Variants in SH3GL3 observed in about 807,000 individuals in gnomAD.
The protein encoded by SH3GL3 is endophilin-A3.
In SH3GL3, 33 loss-of-function variants were observed where a neutral mutation model predicts 47.7. That is an observed-to-expected ratio of 0.69 (90% CI 0.52 to 0.92). The LOEUF (loss-of-function observed/expected upper bound fraction) is 0.92, where lower values mean the gene tolerates loss of function less well. Among genes scored for constraint, SH3GL3 ranks in the 40% least tolerant of loss-of-function variants. The pLI is 0.00. For missense variants in SH3GL3, 363 were observed against 417.8 expected (o/e 0.87, Z 1.14); for synonymous variants, 155 against 148.8 (o/e 1.04, Z -0.30).
intron 1 of SH3GL3, among the ~76,000 whole-genome samples, chr15:83,524,607 A>T (rs1221379845): frequency 6.6e-6 from 1 of 151,830 alleles, no homozygotes; most frequent in Non-Finnish European, 1.5e-5. Flanking sequence ...GAACATTAAA[A>T]CTTATTCTAT....
At chr15:83,559,413 T>G in intron 2 of SH3GL3, 92 bp downstream of exon 2, 1 of 775,264 alleles carries the variant, frequency 1.3e-6, no homozygotes, top group South Asian at 1.5e-5. Context: ...CGAGTGGAAA[T>G]CTAGGATGTT....
chr15:83,629,453 A>G, the SH3GL3 span, among the ~76,000 whole-genome samples: 3 of 152,330 alleles, frequency 2.0e-5, no homozygotes, highest in Admixed American at 6.5e-5. Context: ...TCAGTGGGGA[A>G]ATAAAAGTTG....
intron 1 of SH3GL3, among the ~76,000 whole-genome samples, chr15:83,530,065 C>T (rs907609111): frequency 3.3e-5 from 5 of 152,124 alleles, no homozygotes; most frequent in African/African-American, 1.2e-4. Flanking sequence ...TACTGCAGTC[C>T]TCCAGTGTAG....
intron 1 of SH3GL3, among the ~76,000 whole-genome samples, chr15:83,518,895 T>C (rs970799647): frequency 9.9e-5 from 15 of 152,218 alleles, no homozygotes; most frequent in African/African-American, 3.4e-4. Context: ...AAATCTTTAA[T>C]CCATCTTGAG....
chr15:83,565,356 A>G, intron 3 of SH3GL3, 150 bp downstream of exon 3: 1 of 639,366 alleles, frequency 1.6e-6, no homozygotes, highest in Non-Finnish European at 2.8e-6. Context: ...CAGTGACCAA[A>G]GGTAGTTGCA....
intron 1 of SH3GL3, among the ~76,000 whole-genome samples, chr15:83,486,071 A>T (rs1383167640): frequency 6.6e-6 from 1 of 152,174 alleles, no homozygotes; most frequent in East Asian, 1.9e-4. Flanking sequence ...TAACCATGCT[A>T]CCACTATCAC....
Position 83,585,788 on chromosome 15 carries a change from C to T in SH3GL3, c.625-1195C>T, listed in dbSNP as rs541258022. 9.2e-5 allele frequency among the ~76,000 whole-genome samples: 14 copies of T among 152,250 alleles called. 1 individual carries two copies. In the South Asian group the frequency reaches 1.4e-3, roughly 16 times the overall value. ...AGGATTTCATTGTTCGGATGCTGAT[C>T]ACAGCTTGGCACACATGGAATTCAA... On this transcript the variant is annotated intron_variant, in intron 6 of 8. Transcript: ENST00000427482.
At chr15:83,605,274 C>T (rs544072048) in intron 8 of SH3GL3, among the ~76,000 whole-genome samples, 1 of 152,318 alleles carries the variant, frequency 6.6e-6, no homozygotes, top group South Asian at 2.1e-4. Context: ...CCGTCTCACA[C>T]ACCCAGCATT....
intron 1 of SH3GL3, among the ~76,000 whole-genome samples, chr15:83,538,408 A>T (rs971941566): frequency 6.6e-6 from 1 of 152,240 alleles, no homozygotes; most frequent in African/African-American, 2.4e-5. Flanking sequence ...GTGACAGACC[A>T]CAAGTGTACA....
intron 5 of SH3GL3, among the ~76,000 whole-genome samples, chr15:83,574,860 T>C (rs532694110): frequency 1.3e-5 from 2 of 152,350 alleles, no homozygotes; most frequent in South Asian, 4.1e-4. Flanking sequence ...AGCTCGGATG[T>C]GCTTTCCTTT....
chr15:83,543,815 T>C (rs1474085890), intron 1 of SH3GL3, among the ~76,000 whole-genome samples: 3 of 152,140 alleles, frequency 2.0e-5, no homozygotes, highest in East Asian at 1.9e-4. Context: ...TTGTTGCTCA[T>C]AGTAGTCTCT....
intron 1 of SH3GL3, among the ~76,000 whole-genome samples, chr15:83,449,927 G>A (rs1253877366): frequency 6.6e-6 from 1 of 151,116 alleles, no homozygotes; most frequent in African/African-American, 2.4e-5. Context: ...ATATGAGGGA[G>A]CTCAATAATA....
chr15:83,490,627 A>G (rs1596091535), intron 1 of SH3GL3: 1 of 679,646 alleles, frequency 1.5e-6, no homozygotes, highest in East Asian at 3.0e-5. Context: ...TCAGCCTGGC[A>G]CAGTATATGA....
chr15:83,573,105 G>C (rs1341167636), intron 5 of SH3GL3, among the ~76,000 whole-genome samples: 1 of 152,190 alleles, frequency 6.6e-6, no homozygotes, highest in African/African-American at 2.4e-5. Context: ...TCAATACCTA[G>C]AAATTGAATT....
At chr15:83,512,681 C>T (rs1184866540) in intron 1 of SH3GL3, among the ~76,000 whole-genome samples, 1 of 152,080 alleles carries the variant, frequency 6.6e-6, no homozygotes, top group Non-Finnish European at 1.5e-5. Flanking sequence ...TCTCTTCCTT[C>T]CTCCCCGTCC....
chr15:83,465,741 AT>A (rs1251867319), intron 1 of SH3GL3, among the ~76,000 whole-genome samples: 1 of 152,136 alleles, frequency 6.6e-6, no homozygotes, highest in Non-Finnish European at 1.5e-5. Flanking sequence ...TATCACAAAT[AT>A]TTTAATATTT....
chr15:83,473,215 C>T (rs750535306), intron 1 of SH3GL3, among the ~76,000 whole-genome samples: 8 of 148,616 alleles, frequency 5.4e-5, no homozygotes, highest in African/African-American at 2.0e-4. Context: ...TGTCCACTAC[C>T]ACCAAAGGTG....
intron 1 of SH3GL3, among the ~76,000 whole-genome samples, chr15:83,509,826 C>G (rs922347079): frequency 1.1e-4 from 17 of 152,118 alleles, no homozygotes; most frequent in African/African-American, 4.1e-4. Context: ...GAAGAGAATC[C>G]TGCCCTCACC....
chr15:83,563,133 T>C (rs1454748550), intron 2 of SH3GL3, among the ~76,000 whole-genome samples: 2 of 152,224 alleles, frequency 1.3e-5, no homozygotes, highest in African/African-American at 2.4e-5. Context: ...CCTGGCAGGA[T>C]CATAGTTTTC....
Sources: gnomAD v4.1 joint callset for allele counts (sites outside exome capture counted in the v4.1 genomes callset) on GRCh38, gnomAD v4.1.1 for gene constraint, MANE v1.5 for transcripts, NCBI Gene and HGNC (gene_info 2026-07-23, HGNC 2026-07-21) for gene names.